The following TBC1D24 variants were observed in gnomAD, a reference collection of about 807,000 sequenced individuals.
The protein encoded by TBC1D24 is TBC1 domain family member 24.
TBC1D24 carries 47 observed loss-of-function variants against 50.7 expected under a neutral mutation model. The observed-to-expected ratio is 0.93, with a 90% CI of 0.73 to 1.18. The LOEUF is 1.18. TBC1D24 is among the 50% of genes most tolerant of loss of function. The probability of loss-of-function intolerance (pLI) is 0.00; values close to 1 mark genes in which losing one functional copy is unlikely to be tolerated. For synonymous variants in TBC1D24, 324 were observed against 335.2 expected (o/e 0.97, Z 0.36); for missense variants, 688 against 766.5 (o/e 0.90, Z 1.21).
At position 2,488,733 on chromosome 16, in the gene TBC1D24, G is replaced by A. The variant is rs576421097; in HGVS notation, c.-115-7301G>A. Among the ~76,000 whole-genome samples the A allele has an allele frequency of 5.0e-3, 746 of 148,282 alleles. 1 individual carries two copies. The highest frequency in any genetic ancestry group is 8.0e-3 in the Non-Finnish European group (539 of 67,128). ...CCATGTTAGCCAGGATTACAGGTGT[G>A]AGCCACCGCACCTGGCTGCTTTTTT... On this transcript the variant is annotated intron_variant, in intron 1 of 7. Coordinates refer to ENST00000646147, the MANE Select transcript of TBC1D24 (RefSeq NM_001199107.2).
chr16:2,481,619 G>A (rs148752890), intron 1 of TBC1D24: 47 of 152,330 alleles, frequency 3.1e-4, no homozygotes, highest in African/African-American at 9.9e-4. Context: ...GACCTGCTGT[G>A]GGGAGAACCT....
Position 2,482,768 on chromosome 16 carries a change from T to A in TBC1D24, c.-116+7598T>A, listed in dbSNP as rs2065619294. Among the ~76,000 whole-genome samples, 1 of 151,994 alleles carries A rather than the reference T, an allele frequency of 6.6e-6. No individual in the cohort carries two copies. ...TGGACCTCAAAGAAGGATTCTAGGC[T>A]CAGGAGAGGGTGGGCTCCATTGGAG... is the stretch of plus-strand genomic sequence containing the variant. On this transcript the variant is annotated intron_variant, in intron 1 of 7. Coordinates refer to ENST00000646147, the MANE Select transcript of TBC1D24 (RefSeq NM_001199107.2). This position sits in a 1 kb window ranked among gnomAD's most constrained non-coding sequence, Gnocchi z 5.2.
At chr16:2,488,321 G>A (rs1187310117) in intron 1 of TBC1D24, among the ~76,000 whole-genome samples, 1 of 152,182 alleles carries the variant, frequency 6.6e-6, no homozygotes, top group East Asian at 1.9e-4. Context: ...GCTGTGGCGG[G>A]GTGGGGGTCT....
chr16:2,502,487 C>T lies in TBC1D24; in HGVS notation c.*1529C>T, dbSNP rs2065802388. 6.5e-6 allele frequency: 1 copy of T among 152,688 alleles called. No individual in the cohort carries two copies. The highest frequency in any genetic ancestry group is 1.5e-5 in the Non-Finnish European group (1 of 68,408). The allele number at this position is 152,688 out of a possible 1,614,324, so 9.5% of individuals were successfully genotyped here. ...ACCGTGCCACTTTCCATCCCCACAC[C>T]ATTGCCTGCTCCTCCCATGGGGCTT... On this transcript the variant is annotated 3_prime_UTR_variant, in exon 8 of 8. Transcript: ENST00000646147.
chr16:2,480,741 A>G (rs559470247), intron 1 of TBC1D24: 57 of 152,070 alleles, frequency 3.7e-4, no homozygotes, highest in African/African-American at 1.3e-3. Flanking sequence ...TAGCCTTGCT[A>G]CCTTGGTAAA....
chr16:2,476,488 C>A (rs1249994518), intron 1 of TBC1D24: 1 of 152,254 alleles, frequency 6.6e-6, no homozygotes, highest in Non-Finnish European at 1.5e-5. Flanking sequence ...TGTGGCGTGA[C>A]CCCTGCGTGC....
intron 1 of TBC1D24, chr16:2,477,318 A>G (rs1322069851): frequency 6.6e-6 from 1 of 152,232 alleles, no homozygotes; most frequent in African/African-American, 2.4e-5. Flanking sequence ...CACGCCTGCA[A>G]TCCCAACACT....
At chr16:2,495,630 T>G (rs1342627356) in intron 1 of TBC1D24, among the ~76,000 whole-genome samples, 1 of 152,134 alleles carries the variant, frequency 6.6e-6, no homozygotes, top group Non-Finnish European at 1.5e-5. Flanking sequence ...ATACAAAAAA[T>G]TAGCCAGGCA....
chr16:2,495,988 TGAA>T (rs1173029571), intron 1 of TBC1D24, 43 bp from the exon 2 acceptor site: 9 of 902,924 alleles, frequency 1.0e-5, no homozygotes, highest in Non-Finnish European at 1.5e-5. Flanking sequence ...CTTTAAAATG[TGAA>T]CCTTGAAACA....
rs572625666 is a variant in TBC1D24 at position 2,485,890 on chromosome 16, C to G, written c.-115-10144C>G. The stretch of plus-strand genomic sequence containing the variant: ...GCTTCCAGGCCCTCTCAGCCACCCC[C>G]ACACCGTCCCTACCATTCCCACCTG... On this transcript the variant is annotated intron_variant, in intron 1 of 7. Coordinates refer to ENST00000646147, the MANE Select transcript of TBC1D24 (RefSeq NM_001199107.2). This position sits in a 1 kb window ranked among gnomAD's most constrained non-coding sequence, Gnocchi z 4.6. Among the ~76,000 whole-genome samples, 1 of 152,336 alleles carries G rather than the reference C, an allele frequency of 6.6e-6. No individual in the cohort carries two copies. Among genetic ancestry groups the G allele is most frequent in the Non-Finnish European group, 1.5e-5 (1 of 68,020 alleles).
rs777248380 is a variant in TBC1D24, at chr16:2,496,596, G to A, written c.448G>A (p.Glu150Lys). ...LLLHYSIDEA[E>K]CFEKACRILA... ...GCTGCACTACAGCATCGACGAGGCC[G>A]AGTGCTTCGAGAAGGCCTGCCGCAT... Residue 150 changes from glutamate to lysine, a missense_variant, in exon 2 of 8, where the codon GAG becomes AAG. Coordinates refer to ENST00000646147, the MANE Select transcript of TBC1D24 (RefSeq NM_001199107.2). 9.3e-6 allele frequency: 15 copies of A among 1,609,814 alleles called. No individual in the cohort carries two copies. Among genetic ancestry groups the A allele is most frequent in the East Asian group, 2.2e-5 (1 of 44,898 alleles).
At chr16:2,498,640 T>G (rs2065764767) in intron 4 of TBC1D24, among the ~76,000 whole-genome samples, 1 of 152,154 alleles carries the variant, frequency 6.6e-6, no homozygotes, top group Non-Finnish European at 1.5e-5. Context: ...GGAGGCAGGA[T>G]CCCCACCTTG....
rs2065792373 is a variant in TBC1D24, at chr16:2,501,328, C to T, written c.*370C>T. ...AGCCTGAGCCCCTGGGGTGGGAGTACAACGGCAGTGGGAACGTGCAGCTAA... is the reference window on the plus strand; with the variant it reads ...AGCCTGAGCCCCTGGGGTGGGAGTATAACGGCAGTGGGAACGTGCAGCTAA... On this transcript the variant is annotated 3_prime_UTR_variant, in exon 8 of 8. Coordinates refer to ENST00000646147, the MANE Select transcript of TBC1D24 (RefSeq NM_001199107.2). 6.6e-6 allele frequency: 2 copies of T among 302,432 alleles called. No homozygotes were observed. The highest frequency in any genetic ancestry group is 6.4e-6 in the Non-Finnish European group (1 of 156,744). 18.7% of individuals were successfully genotyped at this position (302,432 alleles called of 1,614,324 possible). A position where few individuals can be genotyped will look rare whatever the true frequency, so the allele number is the denominator to read the frequency against.
intron 1 of TBC1D24, among the ~76,000 whole-genome samples, chr16:2,489,766 T>A (rs1567408146): frequency 6.6e-6 from 1 of 152,220 alleles, no homozygotes; most frequent in Non-Finnish European, 1.5e-5. Context: ...TTCTAGCACC[T>A]GGCCTGGGAC....
At chr16:2,492,391 T>C (rs1596964287) in intron 1 of TBC1D24, among the ~76,000 whole-genome samples, 1 of 152,218 alleles carries the variant, frequency 6.6e-6, no homozygotes, top group Non-Finnish European at 1.5e-5. Flanking sequence ...CCCACAGCTT[T>C]TACTGTTTCC....
rs1214507389 is a variant in TBC1D24, at chr16:2,486,215, T to C, written c.-115-9819T>C. On this transcript the variant is annotated intron_variant, in intron 1 of 7. Coordinates refer to ENST00000646147, the MANE Select transcript of TBC1D24 (RefSeq NM_001199107.2). This position sits in a 1 kb window ranked among gnomAD's most constrained non-coding sequence, Gnocchi z 5.8. ...CCCACTGAGAGGAGCCTGCATCTCC[T>C]ATCACGTGAAGCCCGCAGGGGCCAC... Among the ~76,000 whole-genome samples, 1 of 152,170 alleles carries C rather than the reference T, an allele frequency of 6.6e-6. No individual in the cohort carries two copies. The highest frequency in any genetic ancestry group is 2.4e-5 in the African/African-American group (1 of 41,456).
intron 1 of TBC1D24, among the ~76,000 whole-genome samples, chr16:2,490,844 G>C (rs966230234): frequency 1.3e-5 from 2 of 152,182 alleles, no homozygotes; most frequent in Admixed American, 6.5e-5. Context: ...CTCCCTCCCC[G>C]GCCACCGCCT....
chr16:2,488,236 T>C (rs917430835), intron 1 of TBC1D24, among the ~76,000 whole-genome samples: 2 of 152,068 alleles, frequency 1.3e-5, no homozygotes, highest in Admixed American at 6.5e-5. Flanking sequence ...AGTGAGGACA[T>C]AGGCTGCTGT....
Position 2,500,330 on chromosome 16 carries a change from C to A in TBC1D24, c.1365C>A (p.Pro455=). Residue 455 remains proline, a synonymous_variant, in exon 7 of 8, where the codon CCC becomes CCA. Transcript: ENST00000646147. The surrounding 1 kb of genome is among the most constrained non-coding windows in gnomAD (Gnocchi z 8.0). ...VVIKHPELTK[P]PPLMAAEPTA... is the part of the protein sequence containing the mutation. ...TCAAGCACCCCGAGCTGACCAAGCC[C>A]CCACCCTTGATGGCTGCCGAGCCCA... The A allele has an allele frequency of 6.2e-7, 1 of 1,611,476 alleles. No individual in the cohort carries two copies. The highest frequency in any genetic ancestry group is 8.5e-7 in the Non-Finnish European group (1 of 1,179,350).
Sources: gnomAD v4.1 joint callset for allele counts (sites outside exome capture counted in the v4.1 genomes callset) on GRCh38, gnomAD v4.1.1 for gene constraint, Gnocchi (gnomAD v3.1) non-coding constraint, MANE v1.5 for transcripts, NCBI Gene and HGNC (gene_info 2026-07-23, HGNC 2026-07-21) for gene names.